The following SLC4A1AP variants were observed in gnomAD, a reference collection of about 807,000 sequenced individuals.
The protein encoded by SLC4A1AP is solute carrier family 4 member 1 adaptor protein, also known as kanadaptin.
A neutral mutation model predicts 89.7 loss-of-function variants in SLC4A1AP; 64 were observed. The ratio of observed to expected loss-of-function variants is 0.71; its 90% confidence interval spans 0.58 to 0.88. SLC4A1AP has a LOEUF of 0.88. SLC4A1AP is among the 40% of genes least tolerant of loss of function. The pLI, the probability that SLC4A1AP is intolerant of heterozygous loss-of-function variation, is 0.00. For missense variants in SLC4A1AP, 931 were observed against 965.0 expected, an observed-to-expected ratio of 0.96 and a Z score of 0.47; for synonymous variants, 366 against 353.3, an observed-to-expected ratio of 1.04 and a Z score of -0.40.
chr2:27,682,175 A>C (rs1675629531), intron 8 of SLC4A1AP, 73 bp from the exon 9 acceptor site: 2 of 905,364 alleles, frequency 2.2e-6, no homozygotes, highest in African/African-American at 1.7e-5. Context: ...TTTCTTTGTC[A>C]GTATCATGGT....
exon 3 of SLC4A1AP, chr2:27,667,373 G>C (rs1675346292): frequency 5.6e-6 from 9 of 1,612,684 alleles, no homozygotes; most frequent in Non-Finnish European, 7.6e-6. Flanking sequence ...GCTCTCCAAG[G>C]CTTTTTTGAC....
intron 3 of SLC4A1AP, chr2:27,668,544 G>C (rs148977667): frequency 1.3e-5 from 7 of 539,898 alleles, no homozygotes; most frequent in South Asian, 9.5e-5. Flanking sequence ...TGACCTCCTG[G>C]GTTTAAGCTA....
At chr2:27,675,825 T>A in intron 6 of SLC4A1AP, 133 bp downstream of exon 6, 1 of 573,404 alleles carries the variant, frequency 1.7e-6, no homozygotes, top group Non-Finnish European at 2.7e-6. Flanking sequence ...GTATAACTTT[T>A]GTGGTCTGTT....
chr2:27,672,477 T>TAAAA (rs1436753666), intron 5 of SLC4A1AP, among the ~76,000 whole-genome samples: 5 of 152,178 alleles, frequency 3.3e-5, no homozygotes, highest in African/African-American at 4.8e-5. Context: ...TTTTAATTTC[T>TAAAA]AAAAGTTCAT....
rs780696353 is a variant in SLC4A1AP, at chr2:27,664,423, G to GCGA, written c.673_675dup (p.Asp225dup). The GCGA allele has an allele frequency of 1.9e-6, 3 of 1,614,112 alleles. No homozygotes were observed. In the African/African-American group the frequency reaches 4.0e-5, roughly 22 times the overall value. ...AGGGCGTCCGGCCCTGACGGAGAATGCGACAGCAACGGGCCGGGCTTCTAC... is the reference window on the plus strand; with the variant it reads ...AGGGCGTCCGGCCCTGACGGAGAATGCGACGACAGCAACGGGCCGGGCTTCTAC... On this transcript the variant is annotated inframe_insertion, in exon 1 of 14. Transcript: ENST00000613058.
chr2:27,688,806 T>A (rs1378774813), intron 12 of SLC4A1AP, 39 bp downstream of exon 12: 1 of 1,465,012 alleles, frequency 6.8e-7, no homozygotes, highest in East Asian at 2.3e-5. Flanking sequence ...AATGAATCCC[T>A]TTGTCATGGA....
At chr2:27,694,605 T>C (rs1397865651) in intron 13 of SLC4A1AP, 29 bp from the exon 14 acceptor site, 1 of 1,514,360 alleles carries the variant, frequency 6.6e-7, no homozygotes, top group South Asian at 1.3e-5. Context: ...GAGTAAATAA[T>C]GTATTTCTTT....
intron 13 of SLC4A1AP, 29 bp downstream of exon 13, chr2:27,693,783 A>G (rs760775517): frequency 1.3e-6 from 2 of 1,543,610 alleles, no homozygotes; most frequent in Non-Finnish European, 1.8e-6. Context: ...TTTTTCCTCT[A>G]AGGTTCATTT....
exon 7 of SLC4A1AP, chr2:27,677,358 A>T: frequency 6.2e-7 from 1 of 1,611,248 alleles, no homozygotes; most frequent in Non-Finnish European, 8.5e-7. Flanking sequence ...GAAAGCCTCA[A>T]GCCAAGGTAA....
At chr2:27,693,033 T>C (rs1352341247) in intron 12 of SLC4A1AP, 2 of 152,068 alleles carry the variant, frequency 1.3e-5, no homozygotes, top group East Asian at 3.8e-4. Context: ...GCCTCCCGGG[T>C]TCAAGTGATT....
chr2:27,688,775 T>C lies in SLC4A1AP; in HGVS notation c.2271+8T>C, dbSNP rs775749067. 6.3e-7 allele frequency: 1 copy of C among 1,592,996 alleles called. No homozygotes were observed. The highest frequency in any genetic ancestry group is 1.1e-5 in the South Asian group (1 of 87,516). On this transcript the variant is annotated splice_region_variant and intron_variant, in intron 12 of 13. Coordinates refer to ENST00000613058, the Ensembl canonical transcript of SLC4A1AP. ...ACACCTGGTCCAGGCAAAGTAAGTATTTCACTTGTCTGGGAGTAAAAATGA... is the reference window on the plus strand; with the variant it reads ...ACACCTGGTCCAGGCAAAGTAAGTACTTCACTTGTCTGGGAGTAAAAATGA...
Position 27,667,259 on chromosome 2 carries a change from A to G in SLC4A1AP, c.1022-9A>G. On this transcript the variant is annotated splice_polypyrimidine_tract_variant and intron_variant, in intron 2 of 13. Transcript: ENST00000613058. ...TGATTATCTTTTCTTTCTTTTCCAT[A>G]TCCTGTAGGAGAAGATGCAGTAGAG... is the stretch of plus-strand genomic sequence containing the variant. 1 of 1,600,642 alleles carries G rather than the reference A, an allele frequency of 6.2e-7. No homozygotes were observed. Among genetic ancestry groups the G allele is most frequent in the Non-Finnish European group, 8.5e-7 (1 of 1,175,142 alleles).
chr2:27,684,680 AT>A lies in SLC4A1AP; in HGVS notation c.1876-354del, dbSNP rs534434079. 3.2e-4 allele frequency among the ~76,000 whole-genome samples: 48 copies of A among 152,280 alleles called. No individual in the cohort carries two copies. In the South Asian group the frequency reaches 9.3e-3, roughly 30 times the overall value. On this transcript the variant is annotated intron_variant, in intron 9 of 13. Coordinates refer to ENST00000613058, the Ensembl canonical transcript of SLC4A1AP. ...CAAATGACTTATTTCTGATTGTCTG[AT>A]TTATTCCTTAGAAGATTTTGTAATC... is the stretch of plus-strand genomic sequence containing the variant.
At chr2:27,691,421 T>C (rs540263813) in intron 12 of SLC4A1AP, 13 of 152,144 alleles carry the variant, frequency 8.5e-5, no homozygotes, top group African/African-American at 2.7e-4. Context: ...TGAACTAATA[T>C]AGAATCTTCT....
At chr2:27,674,885 T>G (rs955472757) in intron 5 of SLC4A1AP, among the ~76,000 whole-genome samples, 6 of 152,112 alleles carry the variant, frequency 3.9e-5, no homozygotes, top group Non-Finnish European at 8.8e-5. Context: ...CTAATTTTTG[T>G]ATTTTTAGTA....
At position 27,685,170 on chromosome 2, in the gene SLC4A1AP, A is replaced by G. The variant is rs1371663552; in HGVS notation, c.2009A>G (p.Glu670Gly). 3 of 1,614,098 alleles carry G rather than the reference A, an allele frequency of 1.9e-6. No homozygotes were observed. The African/African-American group carries it at 4.0e-5, about 22-fold the overall frequency. ...GAGGAGCATGAAAAGAAAAAACTGG[A>G]GGATGGAAGCCTCAGTAGGCCACAG... is the stretch of plus-strand genomic sequence containing the variant. The change falls in exon 10 of 14, where the codon GAG becomes GGG. Residue 670 changes from glutamate (E) to glycine (G), a missense_variant. Glu to Gly is a moderately conservative substitution (Grantham distance 98). Transcript: ENST00000613058.
chr2:27,671,081 C>G (rs1422189856), intron 5 of SLC4A1AP, among the ~76,000 whole-genome samples: 1 of 151,530 alleles, frequency 6.6e-6, no homozygotes, highest in African/African-American at 2.4e-5. Flanking sequence ...GTGCTCCACA[C>G]CCAGCTAATT....
intron 10 of SLC4A1AP, among the ~76,000 whole-genome samples, chr2:27,685,960 C>T (rs1240858666): frequency 6.6e-6 from 1 of 152,084 alleles, no homozygotes; most frequent in Non-Finnish European, 1.5e-5. Flanking sequence ...AAAGAAATCC[C>T]CACAACCCCA....
intron 2 of SLC4A1AP, 100 bp from the exon 3 acceptor site, chr2:27,667,168 C>T (rs1675343290): frequency 7.4e-7 from 1 of 1,345,566 alleles, no homozygotes; most frequent in African/African-American, 1.5e-5. Flanking sequence ...TGCGCCCAGC[C>T]TAAACTATAT....
Sources: allele counts gnomAD v4.1 joint callset (sites outside exome capture counted in the v4.1 genomes callset), GRCh38; gene constraint gnomAD v4.1.1; transcripts MANE v1.5; gene names NCBI Gene and HGNC (gene_info 2026-07-23, HGNC 2026-07-21).